The following ADAMTS12 variants were observed in gnomAD, a reference collection of about 807,000 sequenced individuals.
ADAMTS12 encodes the protein A disintegrin and metalloproteinase with thrombospondin motifs 12.
ADAMTS12 carries 118 observed loss-of-function variants against 167.8 expected under a neutral mutation model. That is an observed-to-expected ratio of 0.70 (90% CI 0.61 to 0.82). ADAMTS12 has a LOEUF of 0.82. ADAMTS12 is among the 40% of genes least tolerant of loss of function. ADAMTS12 has a pLI of 0.00. For synonymous variants in ADAMTS12, 704 were observed against 716.9 expected (o/e 0.98, Z 0.29); for missense variants, 1,916 against 1,998.8 (o/e 0.96, Z 0.79).
chr5:33,679,675 A>G lies in ADAMTS12; in HGVS notation c.915+3343T>C, dbSNP rs565658799. On this transcript the variant is annotated intron_variant, in intron 5 of 23. Transcript: ENST00000504830. ...TCCCAGTACTTCTATACTCATGCCA[A>G]TCTCAACTTGAAATGTGCTATTTTT... Among the ~76,000 whole-genome samples the G allele has an allele frequency of 1.3e-4, 20 of 152,280 alleles. No individual in the cohort carries two copies. In the South Asian group the frequency reaches 3.5e-3, roughly 27 times the overall value.
chr5:33,661,875 C>A (rs1229891556), intron 6 of ADAMTS12, 41 bp downstream of exon 6: 2 of 1,610,638 alleles, frequency 1.2e-6, no homozygotes, highest in Non-Finnish European at 1.7e-6. Flanking sequence ...CCATCCCTCC[C>A]TGCTTTACTG....
intron 3 of ADAMTS12, among the ~76,000 whole-genome samples, chr5:33,699,789 G>A (rs900767959): frequency 6.6e-6 from 1 of 152,018 alleles, no homozygotes; most frequent in African/African-American, 2.4e-5. Flanking sequence ...ACTACCTATC[G>A]GGAGAAAATG....
chr5:33,841,910 G>C (rs1748758899), intron 2 of ADAMTS12, among the ~76,000 whole-genome samples: 1 of 152,078 alleles, frequency 6.6e-6, no homozygotes, highest in Non-Finnish European at 1.5e-5. Context: ...GGGCCACATG[G>C]GTCAATAGGT....
At chr5:33,619,630 T>C (rs183040686) in intron 14 of ADAMTS12, among the ~76,000 whole-genome samples, 29 of 152,302 alleles carry the variant, frequency 1.9e-4, no homozygotes, top group African/African-American at 7.0e-4. Flanking sequence ...TTCCTTTTGC[T>C]TTAAGTTGTC....
chr5:33,604,813 G>A (rs1245621612), intron 16 of ADAMTS12, among the ~76,000 whole-genome samples: 2 of 152,072 alleles, frequency 1.3e-5, no homozygotes, highest in Non-Finnish European at 2.9e-5. Context: ...GAAGATGGGA[G>A]AAAAGAGGCA....
At chr5:33,612,159 G>GT (rs1185847174) in intron 16 of ADAMTS12, among the ~76,000 whole-genome samples, 2 of 152,212 alleles carry the variant, frequency 1.3e-5, no homozygotes, top group Admixed American at 1.3e-4. Context: ...CTTTGCCAGA[G>GT]TAAGATTCGC....
chr5:33,683,211 C>A, intron 4 of ADAMTS12, 110 bp from the exon 5 acceptor site: 1 of 813,034 alleles, frequency 1.2e-6, no homozygotes, highest in South Asian at 1.9e-5. Context: ...TCTTATAGGT[C>A]AGAAATGTTT....
intron 2 of ADAMTS12, chr5:33,880,827 C>T: frequency 5.5e-6 from 2 of 364,642 alleles, no homozygotes; most frequent in Non-Finnish European, 1.0e-5. Flanking sequence ...AGGCTGAAAA[C>T]CAAACTCAAA....
intron 20 of ADAMTS12, among the ~76,000 whole-genome samples, chr5:33,557,347 A>G (rs1332071308): frequency 6.6e-6 from 1 of 152,230 alleles, no homozygotes; most frequent in African/African-American, 2.4e-5. Context: ...AACTCTCTGG[A>G]TATTTAAAGG....
chr5:33,608,159 T>G (rs917256380), intron 16 of ADAMTS12, among the ~76,000 whole-genome samples: 1 of 152,286 alleles, frequency 6.6e-6, no homozygotes, highest in African/African-American at 2.4e-5. Context: ...TTTGTAACAT[T>G]CTTTAGAATA....
chr5:33,564,069 G>C (rs958367488), intron 19 of ADAMTS12, among the ~76,000 whole-genome samples: 1 of 152,226 alleles, frequency 6.6e-6, no homozygotes, highest in Non-Finnish European at 1.5e-5. Flanking sequence ...AAAGGAATGT[G>C]CTGTGTCCAG....
chr5:33,631,266 T>G (rs1739914956), intron 12 of ADAMTS12, among the ~76,000 whole-genome samples: 1 of 152,156 alleles, frequency 6.6e-6, no homozygotes, highest in Non-Finnish European at 1.5e-5. Context: ...GAAAATAAGT[T>G]ATTGCAACCA....
At position 33,662,036 on chromosome 5, in the gene ADAMTS12, C is replaced by A; in HGVS notation, c.920G>T (p.Gly307Val). ...TTCTGCATGGTGAACTATTTTCAGT[C>A]CTTGCTGGAGAAAGAAGAGGAAGAG... ...RLILLEEEEQ[G>V]LKIVHHAEKT... is the part of the protein sequence containing the mutation. The change falls in exon 6 of 24, where the codon GGA becomes GTA. Residue 307 changes from glycine to valine, a missense_variant. Coordinates refer to ENST00000504830, the MANE Select transcript of ADAMTS12 (RefSeq NM_030955.4). The A allele has an allele frequency of 1.2e-6, 2 of 1,609,288 alleles. No individual in the cohort carries two copies. Among genetic ancestry groups the A allele is most frequent in the South Asian group, 1.1e-5 (1 of 91,014 alleles).
At chr5:33,752,057 T>G (rs1745010607) in intron 2 of ADAMTS12, among the ~76,000 whole-genome samples, 1 of 152,332 alleles carries the variant, frequency 6.6e-6, no homozygotes, top group East Asian at 1.9e-4. Context: ...AGAAACGTAA[T>G]GCAAAGTCCT....
intron 3 of ADAMTS12, among the ~76,000 whole-genome samples, chr5:33,723,617 G>T (rs1184022652): frequency 1.3e-5 from 2 of 152,162 alleles, no homozygotes; most frequent in African/African-American, 2.4e-5. Context: ...TATCTTCTCT[G>T]CTCTCATTTC....
At chr5:33,724,840 C>T (rs1341458087) in intron 3 of ADAMTS12, among the ~76,000 whole-genome samples, 1 of 152,164 alleles carries the variant, frequency 6.6e-6, no homozygotes, top group Non-Finnish European at 1.5e-5. Flanking sequence ...CGTGAGCCAC[C>T]GCACCCGGCC....
chr5:33,587,231 A>G (rs1747405607), intron 18 of ADAMTS12, among the ~76,000 whole-genome samples: 2 of 152,214 alleles, frequency 1.3e-5, no homozygotes, highest in South Asian at 4.1e-4. Flanking sequence ...ATCTTTGCTT[A>G]CACAAATTTT....
chr5:33,576,257 G>A lies in ADAMTS12; in HGVS notation c.3769C>T (p.Pro1257Ser). Reference protein sequence around the residue: ...TLLPLGGDHQPEPSGKTANRN... With the variant: ...TLLPLGGDHQSEPSGKTANRN... ...TTTGCCGTCTTTCCTGAGGGTTCTG[G>A]CTGGTGGTCTCCTCCCAGAGGGAGC... Residue 1257 changes from proline (P) to serine (S), a missense_variant, in exon 19 of 24, where the codon CCA becomes TCA. Transcript: ENST00000504830. 1 of 1,614,206 alleles carries A rather than the reference G, an allele frequency of 6.2e-7. No individual in the cohort carries two copies.
Position 33,576,530 on chromosome 5 carries a change from G to A in ADAMTS12, c.3496C>T (p.Pro1166Ser). ...HSGSGEEREQ[P>S]EDKDESNPVI... ...GGATTGCTTTCATCTTTGTCCTCAGGCTGTTCTCTTTCTTCCCCTGAGCCA... is the reference window on the plus strand; with the variant it reads ...GGATTGCTTTCATCTTTGTCCTCAGACTGTTCTCTTTCTTCCCCTGAGCCA... The change falls in exon 19 of 24, where the codon CCT becomes TCT. Residue 1166 changes from proline (P) to serine (S), a missense_variant. Coordinates refer to ENST00000504830, the MANE Select transcript of ADAMTS12 (RefSeq NM_030955.4). 1 of 1,613,350 alleles carries A rather than the reference G, an allele frequency of 6.2e-7. No individual in the cohort carries two copies. Among genetic ancestry groups the A allele is most frequent in the Non-Finnish European group, 8.5e-7 (1 of 1,179,680 alleles).
Sources: allele counts gnomAD v4.1 joint callset (sites outside exome capture counted in the v4.1 genomes callset), GRCh38; gene constraint gnomAD v4.1.1; transcripts MANE v1.5; gene names NCBI Gene and HGNC (gene_info 2026-07-23, HGNC 2026-07-21).